The following BCAT1 variants were observed in gnomAD, a reference collection of about 807,000 sequenced individuals.
BCAT1 encodes branched chain amino acid transaminase 1, also known as branched-chain-amino-acid aminotransferase, cytosolic.
In BCAT1, 48 loss-of-function variants were observed where a neutral mutation model predicts 52.4. That is an observed-to-expected ratio of 0.92 (90% CI 0.73 to 1.16). The LOEUF (loss-of-function observed/expected upper bound fraction) is 1.16. Among genes scored for constraint, BCAT1 ranks in the 50% most tolerant of loss-of-function variants. The probability of loss-of-function intolerance (pLI) is 0.00; values close to 1 mark genes in which losing one functional copy is unlikely to be tolerated. For missense variants in BCAT1, 451 were observed against 457.1 expected, an observed-to-expected ratio of 0.99 and a Z score of 0.12; for synonymous variants, 167 against 161.3, an observed-to-expected ratio of 1.04 and a Z score of -0.27.
rs1346221784 is a variant in BCAT1 at position 24,815,971 on chromosome 12, GGAGTTA to G, written c.*2031_*2036del. On this transcript the variant is annotated 3_prime_UTR_variant, in exon 11 of 11. Transcript: ENST00000261192. The stretch of plus-strand genomic sequence containing the variant: ...CTACTATATGAAGAATGAGGTCAAA[GGAGTTA>G]GCCAAGGCGAAAGCACACCCTTAGA... The G allele has an allele frequency of 6.6e-6, 1 of 152,208 alleles. No individual in the cohort carries two copies. Among genetic ancestry groups the G allele is most frequent in the Non-Finnish European group, 1.5e-5 (1 of 68,070 alleles). 9.4% of individuals were successfully genotyped at this position (152,208 alleles called of 1,614,324 possible).
At chr12:24,923,372 G>C (rs1943530352) in intron 1 of BCAT1, among the ~76,000 whole-genome samples, 1 of 152,146 alleles carries the variant, frequency 6.6e-6, no homozygotes, top group East Asian at 1.9e-4. Flanking sequence ...AGAGGACGGG[G>C]CTGTCACTGA....
chr12:24,829,655 A>G (rs982597158), intron 10 of BCAT1, among the ~76,000 whole-genome samples, 168 bp downstream of exon 10: 1 of 152,138 alleles, frequency 6.6e-6, no homozygotes, highest in African/African-American at 2.4e-5. Context: ...GCTCATGCCC[A>G]CACATTGTGT....
intron 1 of BCAT1, among the ~76,000 whole-genome samples, chr12:24,917,831 C>A (rs916741666): frequency 1.3e-5 from 2 of 152,150 alleles, no homozygotes; most frequent in African/African-American, 2.4e-5. Flanking sequence ...TCCTCCACAC[C>A]AAATCAGTTG....
intron 8 of BCAT1, chr12:24,834,447 T>G: frequency 8.1e-6 from 8 of 984,276 alleles, no homozygotes; most frequent in Non-Finnish European, 9.7e-6. Context: ...ATCTGTTTAA[T>G]TCTTGTTCTT....
intron 4 of BCAT1, among the ~76,000 whole-genome samples, chr12:24,880,300 A>T (rs1056809866): frequency 1.3e-5 from 2 of 152,138 alleles, no homozygotes; most frequent in East Asian, 1.9e-4. Context: ...AATAATTTTT[A>T]AAAAAATTAA....
intron 5 of BCAT1, among the ~76,000 whole-genome samples, chr12:24,874,412 T>C (rs1187561283): frequency 6.6e-6 from 1 of 152,180 alleles, no homozygotes; most frequent in African/African-American, 2.4e-5. Context: ...TTTAAGTCCA[T>C]CCAATAGCAG....
chr12:24,816,495 C>A lies in BCAT1; in HGVS notation c.*1513G>T. On this transcript the variant is annotated 3_prime_UTR_variant, in exon 11 of 11. Coordinates refer to ENST00000261192, the MANE Select transcript of BCAT1 (RefSeq NM_005504.7). ...ATATCACCCATAGTAGCTCTCCCTGCATCCTAACCACTTGCTCATCAAATC... is the reference window on the plus strand; with the variant it reads ...ATATCACCCATAGTAGCTCTCCCTGAATCCTAACCACTTGCTCATCAAATC... The A allele has an allele frequency of 2.5e-6, 1 of 397,214 alleles. No homozygotes were observed. The highest frequency in any genetic ancestry group is 1.3e-4 in the South Asian group (1 of 7,836). The allele number at this position is 397,214 out of a possible 1,614,324, so 24.6% of individuals were successfully genotyped here. A position where few individuals can be genotyped will look rare whatever the true frequency, so the allele number is the denominator to read the frequency against.
Position 24,878,614 on chromosome 12 carries a change from T to C in BCAT1, c.426A>G (p.Gln142=). ...ATTCTTGATCCAATTTCACAAGCTG[T>C]TGAATACACTCTAAGAGCTCTTCTT... is the stretch of plus-strand genomic sequence containing the variant. ...FDKEELLECI[Q]QLVKLDQEWV... Residue 142 remains glutamine (Q), a synonymous_variant, in exon 5 of 11, where the codon CAA becomes CAG. Coordinates refer to ENST00000261192, the MANE Select transcript of BCAT1 (RefSeq NM_005504.7). The C allele has an allele frequency of 1.2e-6, 2 of 1,609,234 alleles. No individual in the cohort carries two copies. Among genetic ancestry groups the C allele is most frequent in the Non-Finnish European group, 1.7e-6 (2 of 1,176,032 alleles).
At chr12:24,879,036 C>A (rs563063014) in intron 4 of BCAT1, among the ~76,000 whole-genome samples, 3 of 152,094 alleles carry the variant, frequency 2.0e-5, no homozygotes, top group Non-Finnish European at 2.9e-5. Context: ...ACCATACCCC[C>A]CAATCAATTC....
intron 3 of BCAT1, among the ~76,000 whole-genome samples, chr12:24,881,763 G>A (rs913032183): frequency 8.5e-5 from 13 of 152,136 alleles, no homozygotes; most frequent in Admixed American, 4.6e-4. Context: ...AATGGAGATC[G>A]AAACCAAAGG....
chr12:24,825,168 A>G (rs1487756222), intron 10 of BCAT1, among the ~76,000 whole-genome samples: 2 of 150,204 alleles, frequency 1.3e-5, no homozygotes, highest in Admixed American at 6.7e-5. Context: ...TTTATGCCAC[A>G]TTCTCTTTAT....
intron 3 of BCAT1, among the ~76,000 whole-genome samples, chr12:24,882,816 G>C (rs1236021444): frequency 1.3e-5 from 2 of 151,914 alleles, no homozygotes; most frequent in Non-Finnish European, 2.9e-5. Flanking sequence ...GCCTAGGCTG[G>C]TCTCGAACTC....
chr12:24,844,894 C>CA (rs11318750), intron 6 of BCAT1, among the ~76,000 whole-genome samples: 901 of 35,896 alleles, frequency 0.025, 26 homozygotes, highest in African/African-American at 0.076. Flanking sequence ...GAGACTGTCT[C>CA]AAAAAAAAAA....
At chr12:24,831,598 G>C (rs533004800) in intron 9 of BCAT1, among the ~76,000 whole-genome samples, 1 of 152,148 alleles carries the variant, frequency 6.6e-6, no homozygotes, top group Non-Finnish European at 1.5e-5. Flanking sequence ...GCAGTGAGCC[G>C]AGATTGTGCC....
chr12:24,858,736 G>C lies in BCAT1; in HGVS notation c.511-8787C>G, dbSNP rs1591814231. ...GTAGCACATGTAATTGAGGCTACCAGAGAAACAGTGTTACCTGCAAGGCGT... is the reference window on the plus strand; with the variant it reads ...GTAGCACATGTAATTGAGGCTACCACAGAAACAGTGTTACCTGCAAGGCGT... On this transcript the variant is annotated intron_variant, in intron 5 of 10. Coordinates refer to ENST00000261192, the MANE Select transcript of BCAT1 (RefSeq NM_005504.7). 2.6e-5 allele frequency among the ~76,000 whole-genome samples: 4 copies of C among 152,204 alleles called. No individual in the cohort carries two copies. The East Asian group carries it at 7.7e-4, about 29-fold the overall frequency.
chr12:24,831,532 C>A (rs1037245496), intron 9 of BCAT1, among the ~76,000 whole-genome samples: 1 of 152,062 alleles, frequency 6.6e-6, no homozygotes, highest in African/African-American at 2.4e-5. Context: ...ACCTGTGGTC[C>A]CAGCTACTTG....
At chr12:24,839,247 T>G (rs567033638) in intron 7 of BCAT1, among the ~76,000 whole-genome samples, 1 of 152,252 alleles carries the variant, frequency 6.6e-6, no homozygotes, top group South Asian at 2.1e-4. Context: ...AGACTGAGAA[T>G]GGGATTTGTA....
chr12:24,844,825 A>C (rs1941288590), intron 6 of BCAT1, among the ~76,000 whole-genome samples: 1 of 128,050 alleles, frequency 7.8e-6, no homozygotes, highest in Non-Finnish European at 1.6e-5. Flanking sequence ...TGAACCCGGG[A>C]GGTGGAGCTT....
chr12:24,948,185 T>C (rs934221623), intron 1 of BCAT1, among the ~76,000 whole-genome samples: 4 of 152,338 alleles, frequency 2.6e-5, no homozygotes, highest in Non-Finnish European at 4.4e-5. Flanking sequence ...TTGGAAAAAG[T>C]TGCTCTTCGG....
Sources: allele counts gnomAD v4.1 joint callset (sites outside exome capture counted in the v4.1 genomes callset), GRCh38; gene constraint gnomAD v4.1.1; transcripts MANE v1.5; gene names NCBI Gene and HGNC (gene_info 2026-07-23, HGNC 2026-07-21).